Variants in FAHD2A observed in about 807,000 individuals in gnomAD.
FAHD2A encodes the protein fumarylacetoacetate hydrolase domain containing 2A.
In FAHD2A, 27 loss-of-function variants were observed where a neutral mutation model predicts 33.4. The observed-to-expected ratio is 0.81, with a 90% CI of 0.60 to 1.11. The LOEUF is 1.11. Among genes scored for constraint, FAHD2A ranks in the 50% most tolerant of loss-of-function variants. The pLI is 0.00. For missense variants in FAHD2A, 296 were observed against 395.0 expected, an observed-to-expected ratio of 0.75 and a Z score of 2.12; for synonymous variants, 130 against 153.3, an observed-to-expected ratio of 0.85 and a Z score of 1.12.
chr2:95,417,871 C>T (rs1173733838), downstream of FAHD2A, among the ~76,000 whole-genome samples: 2 of 152,148 alleles, frequency 1.3e-5, no homozygotes. Flanking sequence ...CCAAAGGCCC[C>T]ATCTCCAAAT....
chr2:95,411,784 A>G (rs563140743), intron 5 of FAHD2A, among the ~76,000 whole-genome samples: 1 of 152,262 alleles, frequency 6.6e-6, no homozygotes, highest in Admixed American at 6.5e-5. Context: ...TCACTGCTTT[A>G]TAGATGCTGA....
chr2:95,413,910 A>G lies in FAHD2A; in HGVS notation c.*953A>G, dbSNP rs982654766. ...TAGCTGGGTTTCCCTGAGCCACTCT[A>G]TTGGGGTGGGAGCAGGGGGACAGAA... On this transcript the variant is annotated 3_prime_UTR_variant, in exon 8 of 8. Coordinates refer to ENST00000233379, the MANE Select transcript of FAHD2A (RefSeq NM_016044.3). The G allele has an allele frequency of 3.2e-5, 34 of 1,064,588 alleles. No individual in the cohort carries two copies. Among genetic ancestry groups the G allele is most frequent in the African/African-American group, 1.4e-4 (9 of 64,188 alleles). The allele number at this position is 1,064,588 out of a possible 1,614,324, so 65.9% of individuals were successfully genotyped here. A position where few individuals can be genotyped will look rare whatever the true frequency, so the allele number is the denominator to read the frequency against.
Position 95,405,799 on chromosome 2 carries a change from A to G in FAHD2A, c.241A>G (p.Arg81Gly). Reference protein sequence around the residue: ...EQGEATLSVARRALAAQLPVL... With the variant: ...EQGEATLSVAGRALAAQLPVL... ...GGGAGAGGCCACCCTCTCAGTGGCA[A>G]GAAGGTAAGTAAGTGGGCAGCATCG... The change falls in exon 2 of 8, where the codon AGA becomes GGA. Residue 81 changes from arginine (R) to glycine (G), a missense_variant. Physicochemically the swap from Arg to Gly is moderately radical, Grantham distance 125 (BLOSUM62 -2). Transcript: ENST00000233379. The G allele has an allele frequency of 1.2e-6, 2 of 1,610,860 alleles. No individual in the cohort carries two copies. Among genetic ancestry groups the G allele is most frequent in the Non-Finnish European group, 1.7e-6 (2 of 1,178,776 alleles).
At chr2:95,405,140 G>C (rs574412347) in intron 1 of FAHD2A, 64 of 159,384 alleles carry the variant, frequency 4.0e-4, no homozygotes, top group African/African-American at 6.5e-4. Flanking sequence ...AGAAACTAGA[G>C]AAGGGTAGAG....
At chr2:95,406,732 G>A (rs1052658905) in intron 2 of FAHD2A, among the ~76,000 whole-genome samples, 3 of 152,184 alleles carry the variant, frequency 2.0e-5, no homozygotes, top group Non-Finnish European at 4.4e-5. Context: ...ACCTAAGGGG[G>A]AGAGGAAATC....
downstream of FAHD2A, among the ~76,000 whole-genome samples, chr2:95,417,755 A>AGG (rs1223361648): frequency 6.6e-6 from 1 of 152,032 alleles, no homozygotes; most frequent in Non-Finnish European, 1.5e-5. Flanking sequence ...GCAGAGAGAG[A>AGG]GACAGAGAAA....
In FAHD2A at chr2:95,413,125, A is replaced by G; in HGVS notation, c.*168A>G. On this transcript the variant is annotated 3_prime_UTR_variant, in exon 8 of 8. Transcript: ENST00000233379. ...CTCTTCAATAAATTCGTCAGGTCAA[A>G]GCAGCAGCTTTGCTTCTGCTGTTTG... The G allele has an allele frequency of 2.5e-6, 3 of 1,185,776 alleles. No individual in the cohort carries two copies. The highest frequency in any genetic ancestry group is 3.5e-6 in the Non-Finnish European group (3 of 852,160). The allele number at this position is 1,185,776 out of a possible 1,614,324, so 73.5% of individuals were successfully genotyped here.
At chr2:95,419,346 A>C (rs1388951260), downstream of FAHD2A, among the ~76,000 whole-genome samples, 3 of 146,076 alleles carry the variant, frequency 2.1e-5, no homozygotes, top group African/African-American at 7.3e-5. Context: ...TTACAGACTA[A>C]GAGGAAAGAA....
chr2:95,405,759 G>A lies in FAHD2A; in HGVS notation c.201G>A (p.Thr67=), dbSNP rs1248206257. The A allele has an allele frequency of 1.6e-5, 26 of 1,613,678 alleles. No individual in the cohort carries two copies. The highest frequency in any genetic ancestry group is 1.7e-5 in the Non-Finnish European group (20 of 1,179,834). ...ACCCCACACTCCCGAAGACGATGAC[G>A]CAGTTCCTAGAGCAGGGAGAGGCCA... is the stretch of plus-strand genomic sequence containing the variant. The part of the protein sequence containing the change: ...AFDPTLPKTM[T]QFLEQGEATL... Residue 67 remains threonine, a synonymous_variant, in exon 2 of 8, where the codon ACG becomes ACA. Coordinates refer to ENST00000233379, the MANE Select transcript of FAHD2A (RefSeq NM_016044.3).
chr2:95,405,600 G>A lies in FAHD2A; in HGVS notation c.42G>A (p.Leu14=), dbSNP rs1258344741. 1 of 1,613,942 alleles carries A rather than the reference G, an allele frequency of 6.2e-7. No individual in the cohort carries two copies. The highest frequency in any genetic ancestry group is 8.5e-7 in the Non-Finnish European group (1 of 1,179,844). ...SGRRRLLTVL[L]QAQKWPFQPS... is the part of the protein sequence containing the mutation. ...GAAGAAGGTTACTCACAGTTCTGCT[G>A]CAGGCTCAGAAGTGGCCCTTTCAAC... Residue 14 remains leucine, a synonymous_variant, in exon 2 of 8, where the codon CTG becomes CTA. Transcript: ENST00000233379.
At chr2:95,409,128 T>C (rs1343918706) in intron 3 of FAHD2A, among the ~76,000 whole-genome samples, 1 of 152,234 alleles carries the variant, frequency 6.6e-6, no homozygotes, top group Admixed American at 6.5e-5. Context: ...TCCCAGAATT[T>C]GACCACTTGG....
intron 3 of FAHD2A, among the ~76,000 whole-genome samples, chr2:95,408,128 C>T (rs1249226424): frequency 7.7e-6 from 1 of 130,150 alleles, no homozygotes; most frequent in Non-Finnish European, 1.6e-5. Context: ...GTCATAAAAA[C>T]GTAAATAGGC....
downstream of FAHD2A, among the ~76,000 whole-genome samples, chr2:95,417,910 C>T (rs1683253059): frequency 6.6e-6 from 1 of 152,122 alleles, no homozygotes; most frequent in Non-Finnish European, 1.5e-5. Flanking sequence ...AGGGTTTCAA[C>T]ATACATTTGG....
At chr2:95,409,365 A>G (rs759139653) in intron 3 of FAHD2A, among the ~76,000 whole-genome samples, 3 of 151,516 alleles carry the variant, frequency 2.0e-5, no homozygotes, top group Non-Finnish European at 4.4e-5. Context: ...GTGCAGATGG[A>G]GTGCAGTGGC....
At chr2:95,411,741 C>G (rs1401576355) in intron 5 of FAHD2A, among the ~76,000 whole-genome samples, 1 of 152,216 alleles carries the variant, frequency 6.6e-6, no homozygotes, top group Admixed American at 6.5e-5. Context: ...ATCCAGTACA[C>G]GAGGCTTCTC....
downstream of FAHD2A, among the ~76,000 whole-genome samples, chr2:95,421,005 C>CTGTGTGTGTGTGTGTG (rs57970330): frequency 3.1e-5 from 4 of 129,990 alleles, no homozygotes; most frequent in African/African-American, 1.1e-4. Context: ...GAATGAACCT[C>CTGTGTGTGTGTGTGTG]TGTGTGTGTG....
chr2:95,407,151 G>A lies in FAHD2A; in HGVS notation c.456G>A (p.Gln152=). 6.2e-7 allele frequency: 1 copy of A among 1,612,030 alleles called. No individual in the cohort carries two copies. The highest frequency in any genetic ancestry group is 8.5e-7 in the Non-Finnish European group (1 of 1,179,868). Residue 152 remains glutamine, a synonymous_variant, in exon 3 of 8, where the codon CAG becomes CAA. Transcript: ENST00000233379. ...ATGATGAGGTGGTCCTCCCACCACA[G>A]AGCCAGGTCAGTGTCTCCCCACTGC... ...GPYDEVVLPP[Q]SQEVDWEVEL...
Position 95,413,127 on chromosome 2 carries a change from C to T in FAHD2A, c.*170C>T. The stretch of plus-strand genomic sequence containing the variant: ...CTTCAATAAATTCGTCAGGTCAAAG[C>T]AGCAGCTTTGCTTCTGCTGTTTGTC... On this transcript the variant is annotated 3_prime_UTR_variant, in exon 8 of 8. Transcript: ENST00000233379. The T allele has an allele frequency of 8.5e-7, 1 of 1,177,150 alleles. No homozygotes were observed. Among genetic ancestry groups the T allele is most frequent in the Non-Finnish European group, 1.2e-6 (1 of 845,274 alleles). The allele number at this position is 1,177,150 out of a possible 1,614,324, so 72.9% of individuals were successfully genotyped here.
At chr2:95,405,468 T>C in intron 1 of FAHD2A, 85 bp from the exon 2 acceptor site, 4 of 1,526,578 alleles carry the variant, frequency 2.6e-6, no homozygotes, top group Non-Finnish European at 3.5e-6. Flanking sequence ...GCAAAGGGCC[T>C]CGGGCTATAG....
Sources: allele counts gnomAD v4.1 joint callset (sites outside exome capture counted in the v4.1 genomes callset), GRCh38; gene constraint gnomAD v4.1.1; transcripts MANE v1.5; gene names NCBI Gene and HGNC (gene_info 2026-07-23, HGNC 2026-07-21).